The following RAB38 variants were observed in gnomAD, a reference collection of about 807,000 sequenced individuals.
The protein encoded by RAB38 is ras-related protein Rab-38.
In RAB38, 15 loss-of-function variants were observed where a neutral mutation model predicts 18.4. That is an observed-to-expected ratio of 0.82 (90% CI 0.55 to 1.26). The LOEUF (loss-of-function observed/expected upper bound fraction) is 1.26. Ranked by LOEUF, RAB38 falls within the 50% of genes most tolerant of loss-of-function variation. The pLI, the probability that RAB38 is intolerant of heterozygous loss-of-function variation, is 0.00. For missense variants in RAB38, 294 were observed against 267.4 expected, an observed-to-expected ratio of 1.10 and a Z score of -0.69; for synonymous variants, 101 against 104.4, an observed-to-expected ratio of 0.97 and a Z score of 0.20.
chr11:87,970,892 T>A, the RAB38 span, among the ~76,000 whole-genome samples: 2 of 152,032 alleles, frequency 1.3e-5, no homozygotes, highest in Admixed American at 6.6e-5. Flanking sequence ...AGACAAACAT[T>A]TACACAATTC....
the RAB38 span, among the ~76,000 whole-genome samples, chr11:87,960,589 A>AT: frequency 3.9e-5 from 6 of 152,174 alleles, no homozygotes; most frequent in Non-Finnish European, 8.8e-5. Flanking sequence ...TGCTTTTCAT[A>AT]TATGAGGAAA....
chr11:87,817,353 G>T, the RAB38 span: 3 of 152,156 alleles, frequency 2.0e-5, no homozygotes, highest in Admixed American at 6.5e-5. Context: ...ACAGTTAGAA[G>T]AATCTTAAGA....
chr11:87,904,445 G>A, the RAB38 span, among the ~76,000 whole-genome samples: 1 of 151,758 alleles, frequency 6.6e-6, no homozygotes, highest in South Asian at 2.1e-4. Context: ...TGGCTGCATA[G>A]TATTCTATTG....
the RAB38 span, among the ~76,000 whole-genome samples, chr11:87,969,910 T>C: frequency 6.6e-6 from 1 of 152,068 alleles, no homozygotes; most frequent in Non-Finnish European, 1.5e-5. Context: ...AACAGCCCCA[T>C]ATTTGAGGAG....
chr11:88,139,428 G>C (rs935392287), intron 2 of RAB38, among the ~76,000 whole-genome samples: 1 of 152,134 alleles, frequency 6.6e-6, no homozygotes, highest in Non-Finnish European at 1.5e-5. Flanking sequence ...CACTGCTCTT[G>C]TAAAAGCCAT....
At chr11:87,932,573 G>C in the RAB38 span, among the ~76,000 whole-genome samples, 20 of 152,036 alleles carry the variant, frequency 1.3e-4, 1 homozygote, top group South Asian at 3.5e-3. Flanking sequence ...TTTTTGCCCA[G>C]AAAAATAAGA....
chr11:87,942,077 C>A, the RAB38 span, among the ~76,000 whole-genome samples: 4 of 152,192 alleles, frequency 2.6e-5, no homozygotes, highest in Non-Finnish European at 4.4e-5. Flanking sequence ...GATTTACTGG[C>A]TGCAACCATA....
the RAB38 span, among the ~76,000 whole-genome samples, chr11:87,959,658 G>A: frequency 5.9e-5 from 9 of 152,292 alleles, 1 homozygote; most frequent in South Asian, 1.7e-3. Flanking sequence ...TTCTCACCAA[G>A]GGAATATGAG....
the RAB38 span, among the ~76,000 whole-genome samples, chr11:87,967,872 C>T: frequency 2.2e-4 from 33 of 152,136 alleles, no homozygotes; most frequent in Non-Finnish European, 3.4e-4. Flanking sequence ...AAATGCCCTG[C>T]GGTGGGTAGG....
At chr11:87,916,727 A>G in the RAB38 span, among the ~76,000 whole-genome samples, 3 of 152,068 alleles carry the variant, frequency 2.0e-5, no homozygotes, top group African/African-American at 7.2e-5. Flanking sequence ...TTTTGTCTTT[A>G]TATTTAAATT....
At chr11:88,089,245 T>C in the RAB38 span, among the ~76,000 whole-genome samples, 1 of 151,614 alleles carries the variant, frequency 6.6e-6, no homozygotes, top group African/African-American at 2.4e-5. Flanking sequence ...AACCCTGAGG[T>C]GGCAGGGGGC....
chr11:87,809,134 C>T, the RAB38 span, among the ~76,000 whole-genome samples: 5 of 151,946 alleles, frequency 3.3e-5, no homozygotes, highest in Admixed American at 6.6e-5. Context: ...TTTCATTTAA[C>T]GTAAATGAAG....
chr11:88,159,252 C>G (rs1438110185), intron 1 of RAB38, among the ~76,000 whole-genome samples: 1 of 142,328 alleles, frequency 7.0e-6, no homozygotes, highest in East Asian at 2.0e-4. Flanking sequence ...AAATAAAATA[C>G]CTAGGAATAC....
the RAB38 span, among the ~76,000 whole-genome samples, chr11:88,069,464 C>T: frequency 6.6e-6 from 1 of 152,244 alleles, no homozygotes; most frequent in African/African-American, 2.4e-5. Flanking sequence ...GCAGCTCCAA[C>T]CACGGCCCTG....
At chr11:88,094,939 A>C in the RAB38 span, among the ~76,000 whole-genome samples, 2 of 151,810 alleles carry the variant, frequency 1.3e-5, no homozygotes, top group African/African-American at 4.8e-5. Flanking sequence ...TATTCCACTG[A>C]GAAAGCAAAA....
the RAB38 span, among the ~76,000 whole-genome samples, chr11:88,005,268 T>G: frequency 6.6e-6 from 1 of 151,412 alleles, no homozygotes; most frequent in Admixed American, 6.6e-5. Flanking sequence ...CAGCGGGAAT[T>G]TGGTACAAGG....
chr11:87,884,981 G>T, the RAB38 span, among the ~76,000 whole-genome samples: 1 of 151,858 alleles, frequency 6.6e-6, no homozygotes, highest in South Asian at 2.1e-4. Context: ...CTTTACATTA[G>T]ATACATCTGA....
chr11:88,153,387 T>C (rs1943086490), intron 1 of RAB38, among the ~76,000 whole-genome samples: 1 of 152,140 alleles, frequency 6.6e-6, no homozygotes, highest in Non-Finnish European at 1.5e-5. Context: ...TTACTTCCAG[T>C]CATCTTCTAA....
chr11:87,823,110 T>A, the RAB38 span, among the ~76,000 whole-genome samples: 2 of 151,216 alleles, frequency 1.3e-5, no homozygotes, highest in East Asian at 3.9e-4. Flanking sequence ...GACAAAAGAG[T>A]TAATAGATAG....
Sources: gnomAD v4.1 joint callset for allele counts (sites outside exome capture counted in the v4.1 genomes callset) on GRCh38, gnomAD v4.1.1 for gene constraint, MANE v1.5 for transcripts, NCBI Gene and HGNC (gene_info 2026-07-23, HGNC 2026-07-21) for gene names.